Variants in CACNA2D1 observed in about 807,000 individuals in gnomAD.
CACNA2D1 encodes the protein calcium voltage-gated channel auxiliary subunit alpha2delta 1.
CACNA2D1 carries 53 observed loss-of-function variants against 171.5 expected under a neutral mutation model. The observed-to-expected ratio is 0.31, with a 90% CI of 0.25 to 0.39. The LOEUF is 0.39. Ranked by LOEUF, CACNA2D1 falls within the 10% of genes least tolerant of loss-of-function variation. CACNA2D1 has a pLI of 1.00. For synonymous variants in CACNA2D1, 442 were observed against 443.1 expected, an observed-to-expected ratio of 1.00 and a Z score of 0.03; for missense variants, 903 against 1,299.8, an observed-to-expected ratio of 0.69 and a Z score of 4.69.
At chr7:82,067,137 A>G (rs1260251615) in intron 7 of CACNA2D1, among the ~76,000 whole-genome samples, 1 of 152,190 alleles carries the variant, frequency 6.6e-6, no homozygotes, top group Non-Finnish European at 1.5e-5. Flanking sequence ...ATAATCAGAA[A>G]TAACTTCATC....
At chr7:82,090,761 C>T (rs988758380) in intron 6 of CACNA2D1, among the ~76,000 whole-genome samples, 2 of 152,008 alleles carry the variant, frequency 1.3e-5, no homozygotes, top group African/African-American at 4.8e-5. Context: ...TTAAATGTTA[C>T]CTCCTCCACA....
At chr7:82,321,137 G>A (rs746350491) in intron 3 of CACNA2D1, among the ~76,000 whole-genome samples, 1 of 152,126 alleles carries the variant, frequency 6.6e-6, no homozygotes, top group Non-Finnish European at 1.5e-5. Context: ...AATGGCTCAC[G>A]CCTATAACCC....
intron 3 of CACNA2D1, among the ~76,000 whole-genome samples, chr7:82,277,785 G>A (rs1055644043): frequency 3.7e-5 from 5 of 136,346 alleles, no homozygotes; most frequent in Admixed American, 1.7e-4. Flanking sequence ...TCGCCCTGTC[G>A]CTCAGGCTGG....
intron 1 of CACNA2D1, among the ~76,000 whole-genome samples, chr7:82,399,222 C>A (rs1323815985): frequency 6.6e-6 from 1 of 152,066 alleles, no homozygotes; most frequent in Admixed American, 6.5e-5. Context: ...GGCGCATCGC[C>A]TGAGGTCAAG....
intron 1 of CACNA2D1, among the ~76,000 whole-genome samples, chr7:82,434,741 T>G (rs1829976383): frequency 6.6e-6 from 1 of 152,150 alleles, no homozygotes; most frequent in Non-Finnish European, 1.5e-5. Context: ...TCTGCACTTG[T>G]CTCCATATTC....
At chr7:82,084,089 A>T (rs1810140828) in intron 7 of CACNA2D1, among the ~76,000 whole-genome samples, 2 of 152,182 alleles carry the variant, frequency 1.3e-5, no homozygotes, top group South Asian at 4.1e-4. Flanking sequence ...TTTCACTTAA[A>T]GTGTTTTCAA....
chr7:82,260,040 T>C (rs1259835035), intron 3 of CACNA2D1, among the ~76,000 whole-genome samples: 1 of 152,030 alleles, frequency 6.6e-6, no homozygotes, highest in Non-Finnish European at 1.5e-5. Flanking sequence ...CTGGCCAACA[T>C]GGTGAAGTCC....
intron 1 of CACNA2D1, among the ~76,000 whole-genome samples, chr7:82,390,534 A>G (rs546700539): frequency 6.6e-6 from 1 of 152,328 alleles, no homozygotes; most frequent in South Asian, 2.1e-4. Context: ...ATCAACAAGA[A>G]AAGTCAATTA....
At chr7:82,191,169 G>A (rs995450402) in intron 3 of CACNA2D1, among the ~76,000 whole-genome samples, 2 of 151,446 alleles carry the variant, frequency 1.3e-5, no homozygotes, top group African/African-American at 2.4e-5. Flanking sequence ...AAGAGTTAAG[G>A]GATCACAAAA....
intron 4 of CACNA2D1, among the ~76,000 whole-genome samples, chr7:82,149,723 T>C (rs1793567772): frequency 6.7e-6 from 1 of 149,732 alleles, no homozygotes; most frequent in Admixed American, 6.7e-5. Flanking sequence ...GGTCAGGAGA[T>C]CGAGACCACC....
intron 4 of CACNA2D1, among the ~76,000 whole-genome samples, chr7:82,165,304 T>C (rs114284042): frequency 0.016 from 2,390 of 152,094 alleles, 65 homozygotes; most frequent in African/African-American, 0.052. Flanking sequence ...ACAGGACATA[T>C]CATCATGATG....
At chr7:82,103,993 C>T (rs1462465689) in intron 6 of CACNA2D1, among the ~76,000 whole-genome samples, 6 of 151,968 alleles carry the variant, frequency 3.9e-5, no homozygotes, top group African/African-American at 1.4e-4. Flanking sequence ...ATTTCATATT[C>T]AAATTTTCAG....
intron 1 of CACNA2D1, among the ~76,000 whole-genome samples, chr7:82,411,126 G>A (rs1468345122): frequency 1.3e-5 from 2 of 152,148 alleles, no homozygotes; most frequent in Non-Finnish European, 2.9e-5. Context: ...TAGAGAAAGT[G>A]AAAGTATGAA....
intron 1 of CACNA2D1, among the ~76,000 whole-genome samples, chr7:82,416,324 T>C (rs910724296): frequency 7.9e-5 from 12 of 152,160 alleles, no homozygotes; most frequent in African/African-American, 2.2e-4. Flanking sequence ...CTTAAATGAC[T>C]GAATAGTGAT....
rs141102552 is a variant in CACNA2D1, at chr7:81,961,619, G to T, written c.2966+275C>A. ...CAAATTTCTCTATGTTCTGCCTAAA[G>T]AGAAAGGAATTATCTTGATCATGTA... On this transcript the variant is annotated intron_variant, in intron 36 of 38. Transcript: ENST00000356860. 1.2e-3 allele frequency among the ~76,000 whole-genome samples: 189 copies of T among 151,868 alleles called. 1 individual carries two copies. Among genetic ancestry groups the T allele is most frequent in the Non-Finnish European group, 2.1e-3 (145 of 67,894 alleles).
chr7:82,358,844 TC>T, intron 1 of CACNA2D1, among the ~76,000 whole-genome samples: 1 of 152,320 alleles, frequency 6.6e-6, no homozygotes, highest in Admixed American at 6.5e-5. Flanking sequence ...TTTTCCACTA[TC>T]TTGGATTGAT....
At chr7:82,439,968 G>A (rs1296181256) in intron 1 of CACNA2D1, among the ~76,000 whole-genome samples, 5 of 151,706 alleles carry the variant, frequency 3.3e-5, no homozygotes, top group Non-Finnish European at 7.4e-5. Flanking sequence ...TATAATGCAT[G>A]GAACAGATAT....
intron 1 of CACNA2D1, among the ~76,000 whole-genome samples, chr7:82,374,736 T>A (rs948446547): frequency 1.3e-4 from 20 of 149,678 alleles, no homozygotes; most frequent in Non-Finnish European, 8.9e-5. Flanking sequence ...ACAAAGCACA[T>A]ACCTGCTTTG....
chr7:81,968,623 A>G (rs1053337937), intron 29 of CACNA2D1, among the ~76,000 whole-genome samples: 3 of 151,392 alleles, frequency 2.0e-5, no homozygotes, highest in African/African-American at 7.3e-5. Context: ...TGATTATTAT[A>G]CTAAATTGAT....
Sources: allele counts gnomAD v4.1 joint callset (sites outside exome capture counted in the v4.1 genomes callset), GRCh38; gene constraint gnomAD v4.1.1; transcripts MANE v1.5; gene names NCBI Gene and HGNC (gene_info 2026-07-23, HGNC 2026-07-21).